Variants in VPS39 observed in about 807,000 individuals in gnomAD.
VPS39 encodes vam6/Vps39-like protein.
Under a neutral mutation model 121.0 loss-of-function variants are expected in VPS39, and 70 were observed. The observed-to-expected ratio is 0.58, with a 90% CI of 0.48 to 0.71. The LOEUF is 0.71. VPS39 is among the 30% of genes least tolerant of loss of function. VPS39 has a pLI of 0.00. For missense variants in VPS39, 818 were observed against 1,051.5 expected, an observed-to-expected ratio of 0.78 and a Z score of 3.07; for synonymous variants, 378 against 398.1, an observed-to-expected ratio of 0.95 and a Z score of 0.60.
intron 20 of VPS39, 74 bp downstream of exon 20, chr15:42,163,552 C>A (rs545665952): frequency 4.6e-6 from 7 of 1,516,838 alleles, no homozygotes; most frequent in Admixed American, 3.5e-5. Context: ...GGGGAGATGG[C>A]CTTCTTAACT....
chr15:42,208,204 C>A lies in VPS39; in HGVS notation c.-51G>T. On this transcript the variant is annotated 5_prime_UTR_variant, in exon 1 of 25. Transcript: ENST00000318006. ...CCGTCTCGCCCAGAGTGTTCCGGGC[C>A]GGGCTGGGGTCCGGAACGAGTCTGG... is the stretch of plus-strand genomic sequence containing the variant. The A allele has an allele frequency of 6.4e-7, 1 of 1,551,220 alleles. No homozygotes were observed. The highest frequency in any genetic ancestry group is 1.4e-5 in the African/African-American group (1 of 73,194).
At chr15:42,165,884 T>C (rs961164260) in intron 16 of VPS39, 68 bp from the exon 17 acceptor site, 13 of 1,446,834 alleles carry the variant, frequency 9.0e-6, no homozygotes, top group Admixed American at 5.1e-5. Flanking sequence ...CACACACGCA[T>C]GTGAGCGCAG....
rs1392171973 is a variant in VPS39, at chr15:42,173,916, G to C, written c.961-64C>G. The C allele has an allele frequency of 2.5e-6, 4 of 1,581,088 alleles. No individual in the cohort carries two copies. The African/African-American group carries it at 4.0e-5, about 16-fold the overall frequency. ...AACAAATATTGTTCAGTATGTTCTT[G>C]ATGTTAGAGAAGATGCTAGGAGCTA... On this transcript the variant is annotated intron_variant, in intron 10 of 24. Transcript: ENST00000318006.
chr15:42,162,162 AGGGCCTAG>A lies in VPS39; in HGVS notation c.2326-4_2329del. On this transcript the variant is annotated splice_acceptor_variant and splice_polypyrimidine_tract_variant and coding_sequence_variant and intron_variant, in exon 23 of 25. Coordinates refer to ENST00000318006, the MANE Select transcript of VPS39 (RefSeq NM_015289.5). LOFTEE classifies it high-confidence loss of function. Reference sequence around the variant, plus strand: ...CTGAGTGTTTGCTGGCAGAAGGTTGAGGGCCTAGGGACAGGAACAGAGATAGGGACTGG... The same window carrying A: ...CTGAGTGTTTGCTGGCAGAAGGTTGAGGACAGGAACAGAGATAGGGACTGG... The A allele has an allele frequency of 6.2e-7, 1 of 1,614,190 alleles. No individual in the cohort carries two copies. Among genetic ancestry groups the A allele is most frequent in the Non-Finnish European group, 8.5e-7 (1 of 1,180,036 alleles).
chr15:42,205,826 A>G (rs1342227250), intron 1 of VPS39, among the ~76,000 whole-genome samples: 3 of 152,214 alleles, frequency 2.0e-5, no homozygotes, highest in Non-Finnish European at 2.9e-5. Context: ...AGTAATCATC[A>G]AGATAGAGAG....
At chr15:42,196,012 T>C (rs575191313) in intron 2 of VPS39, among the ~76,000 whole-genome samples, 133 of 151,964 alleles carry the variant, frequency 8.8e-4, no homozygotes, top group South Asian at 3.5e-3. Flanking sequence ...TCAAAAATAA[T>C]ACCACACATC....
chr15:42,175,792 G>T (rs1244273493), intron 10 of VPS39, among the ~76,000 whole-genome samples: 1 of 151,876 alleles, frequency 6.6e-6, no homozygotes, highest in South Asian at 2.1e-4. Flanking sequence ...GTCAGGACAG[G>T]CTCCAAATGC....
rs1302156407 is a variant in VPS39 at position 42,158,969 on chromosome 15, GGCAGGTCAAGTTCCT to G, written c.*1770_*1784del. On this transcript the variant is annotated 3_prime_UTR_variant, in exon 25 of 25. Coordinates refer to ENST00000318006, the MANE Select transcript of VPS39 (RefSeq NM_015289.5). Reference sequence around the variant, plus strand: ...CTGGCCAGGAAGGCAGGGCACACATGGCAGGTCAAGTTCCTGCTATCCAGGGAGGTGGCCCAGAGC... The same window carrying G: ...CTGGCCAGGAAGGCAGGGCACACATGGCTATCCAGGGAGGTGGCCCAGAGC... 1 of 152,234 alleles carries G rather than the reference GGCAGGTCAAGTTCCT, an allele frequency of 6.6e-6. No individual in the cohort carries two copies. Among genetic ancestry groups the G allele is most frequent in the East Asian group, 1.9e-4 (1 of 5,192 alleles). 9.4% of individuals were successfully genotyped at this position (152,234 alleles called of 1,614,324 possible).
rs1209384708 is a variant in VPS39, at chr15:42,169,802, C to A, written c.1155G>T (p.Gln385His). 6.2e-7 allele frequency: 1 copy of A among 1,614,144 alleles called. No homozygotes were observed. The highest frequency in any genetic ancestry group is 2.2e-5 in the East Asian group (1 of 44,894). ...LLPTDYRKQLQYPNPLPVLSG... is the reference protein window; with the variant it reads ...LLPTDYRKQLHYPNPLPVLSG... ...AGAGCACAGGCAATGGGTTGGGATA[C>A]TGCAACTGCTTTCTGTAGTCTGTGG... is the stretch of plus-strand genomic sequence containing the variant. Residue 385 changes from glutamine to histidine, a missense_variant, in exon 12 of 25, where the codon CAG (glutamine) becomes CAT (histidine). Transcript: ENST00000318006.
At chr15:42,201,260 C>G (rs1423266333) in intron 1 of VPS39, among the ~76,000 whole-genome samples, 1 of 152,100 alleles carries the variant, frequency 6.6e-6, no homozygotes, top group African/African-American at 2.4e-5. Context: ...ATTGCAGCCT[C>G]CACCTCCCTA....
At chr15:42,175,154 C>T (rs2049424046) in intron 10 of VPS39, among the ~76,000 whole-genome samples, 1 of 152,124 alleles carries the variant, frequency 6.6e-6, no homozygotes. Context: ...TAGCTCACGC[C>T]TGTAATCCCA....
At chr15:42,197,349 TAAAAAAAA>T (rs1026254130) in intron 2 of VPS39, among the ~76,000 whole-genome samples, 2 of 91,320 alleles carry the variant, frequency 2.2e-5, no homozygotes, top group Non-Finnish European at 5.0e-5. Flanking sequence ...AAAAAAAACC[TAAAAAAAA>T]AAAAAGAAAA....
intron 8 of VPS39, among the ~76,000 whole-genome samples, chr15:42,180,756 G>T (rs1338958058): frequency 1.3e-5 from 2 of 152,080 alleles, no homozygotes; most frequent in African/African-American, 2.4e-5. Flanking sequence ...AGAGATAATA[G>T]AAATATTTTC....
rs763477980 is a variant in VPS39 at position 42,187,845 on chromosome 15, G to A, written c.354C>T (p.Thr118=). The A allele has an allele frequency of 6.3e-5, 102 of 1,614,000 alleles. 1 individual carries two copies. The highest frequency in any genetic ancestry group is 2.7e-4 in the South Asian group (25 of 91,072). ...CACACATCCGTAACACCTCCTCACC[G>A]GTCTCTGTGTGCTGGGAGGAGACAT... is the stretch of plus-strand genomic sequence containing the variant. ...LFTCDLQHTE[T]GEEVLRMCVA... The change falls in exon 6 of 25, where the codon ACC becomes ACT. Residue 118 remains threonine, a synonymous_variant. Coordinates refer to ENST00000318006, the MANE Select transcript of VPS39 (RefSeq NM_015289.5).
chr15:42,162,033 C>G lies in VPS39; in HGVS notation c.2459G>C (p.Arg820Thr), dbSNP rs1359520911. Residue 820 changes from arginine to threonine, a missense_variant and splice_region_variant, in exon 23 of 25, where the codon AGG becomes ACG. Transcript: ENST00000318006. ...AGAGTTTGGAAGGCCCATACCTACCCTCAGGAATTCTGCATGGAGAAGGTT... is the reference window on the plus strand; with the variant it reads ...AGAGTTTGGAAGGCCCATACCTACCGTCAGGAATTCTGCATGGAGAAGGTT... The part of the protein sequence containing the change: ...LKNLLHAEFL[R>T]VQEERILHQQ... The G allele has an allele frequency of 1.8e-5, 29 of 1,614,094 alleles. No homozygotes were observed. The highest frequency in any genetic ancestry group is 2.5e-5 in the Non-Finnish European group (29 of 1,180,040).
At chr15:42,185,043 T>A (rs1052045931) in intron 7 of VPS39, among the ~76,000 whole-genome samples, 3 of 152,184 alleles carry the variant, frequency 2.0e-5, no homozygotes, top group Admixed American at 1.3e-4. Context: ...ATATGCCCCT[T>A]AAAGATACAC....
In VPS39 at chr15:42,164,612, C is replaced by T. The variant is rs1339401123; in HGVS notation, c.1898-126G>A. 3.4e-6 allele frequency: 5 copies of T among 1,456,278 alleles called. No homozygotes were observed. In the Admixed American group the frequency reaches 1.3e-4, roughly 39 times the overall value. The allele number at this position is 1,456,278 out of a possible 1,614,324, so 90.2% of individuals were successfully genotyped here. A position where few individuals can be genotyped will look rare whatever the true frequency, so the allele number is the denominator to read the frequency against. On this transcript the variant is annotated intron_variant, in intron 18 of 24. Coordinates refer to ENST00000318006, the MANE Select transcript of VPS39 (RefSeq NM_015289.5). The stretch of plus-strand genomic sequence containing the variant: ...TGACCAGAAAGGGCCTCCAGGGTGG[C>T]TTCCATGCTAACTTCTTTTAGTTCA...
intron 8 of VPS39, among the ~76,000 whole-genome samples, chr15:42,182,866 A>G (rs1595664792): frequency 6.6e-6 from 1 of 152,208 alleles, no homozygotes; most frequent in African/African-American, 2.4e-5. Flanking sequence ...GGAAATCAGA[A>G]ACACGCTTGA....
intron 11 of VPS39, among the ~76,000 whole-genome samples, chr15:42,173,286 C>T (rs1216736426): frequency 3.9e-5 from 6 of 152,182 alleles, no homozygotes; most frequent in African/African-American, 9.7e-5. Context: ...ACCTGCTCCT[C>T]GCCACTACAC....
Sources: gnomAD v4.1 joint callset for allele counts (sites outside exome capture counted in the v4.1 genomes callset) on GRCh38, gnomAD v4.1.1 for gene constraint, MANE v1.5 for transcripts, NCBI Gene and HGNC (gene_info 2026-07-23, HGNC 2026-07-21) for gene names.